The following EYA2 variants were observed in gnomAD, a reference collection of about 807,000 sequenced individuals.
EYA2 encodes protein phosphatase EYA2.
EYA2 carries 31 observed loss-of-function variants against 69.2 expected under a neutral mutation model. The observed-to-expected ratio is 0.45, with a 90% confidence interval of 0.34 to 0.60. The LOEUF (loss-of-function observed/expected upper bound fraction) is 0.60, where lower values mean the gene tolerates loss of function less well. Ranked by LOEUF, EYA2 falls within the 20% of genes least tolerant of loss-of-function variation. The pLI is 0.02. For missense variants in EYA2, 622 were observed against 701.2 expected, an observed-to-expected ratio of 0.89 and a Z score of 1.28; for synonymous variants, 257 against 279.4, an observed-to-expected ratio of 0.92 and a Z score of 0.80.
At chr20:47,146,052 G>A (rs1471972504) in intron 10 of EYA2, among the ~76,000 whole-genome samples, 3 of 152,140 alleles carry the variant, frequency 2.0e-5, no homozygotes, top group African/African-American at 7.2e-5. Context: ...AAGAGGACTT[G>A]CTGATAGACT....
intron 5 of EYA2, among the ~76,000 whole-genome samples, chr20:47,060,030 T>TA (rs1164083230): frequency 3.3e-5 from 5 of 152,378 alleles, no homozygotes; most frequent in East Asian, 3.9e-4. Context: ...AACTAACTCA[T>TA]ATTTGTTACC....
At chr20:47,100,750 C>T (rs113609790) in intron 9 of EYA2, among the ~76,000 whole-genome samples, 9 of 152,352 alleles carry the variant, frequency 5.9e-5, no homozygotes, top group African/African-American at 1.7e-4. Context: ...CTCCAGCTCT[C>T]GCTAAGGTGA....
intron 1 of EYA2, among the ~76,000 whole-genome samples, chr20:46,896,251 A>G (rs984310516): frequency 3.3e-5 from 5 of 152,148 alleles, no homozygotes; most frequent in Non-Finnish European, 7.3e-5. Context: ...ACCAGTGGAC[A>G]ATTGTATTTC....
intron 12 of EYA2, among the ~76,000 whole-genome samples, chr20:47,175,886 T>C (rs139182260): frequency 2.4e-4 from 37 of 152,272 alleles, no homozygotes; most frequent in African/African-American, 8.9e-4. Context: ...GTTGATAGAC[T>C]AATGAGAAGA....
At chr20:46,930,838 T>G (rs1230865472) in intron 1 of EYA2, among the ~76,000 whole-genome samples, 1 of 152,198 alleles carries the variant, frequency 6.6e-6, no homozygotes, top group Admixed American at 6.5e-5. Flanking sequence ...AGGAACCTTA[T>G]GGAAATATCA....
At chr20:46,925,010 C>A (rs1985353583) in intron 1 of EYA2, among the ~76,000 whole-genome samples, 3 of 152,210 alleles carry the variant, frequency 2.0e-5, no homozygotes, top group Admixed American at 2.0e-4. Flanking sequence ...TTCCTCACCT[C>A]CTCCTGGCTT....
intron 1 of EYA2, among the ~76,000 whole-genome samples, chr20:46,900,157 C>T (rs1189244518): frequency 6.6e-6 from 1 of 151,896 alleles, no homozygotes; most frequent in Non-Finnish European, 1.5e-5. Flanking sequence ...GTAATAGATA[C>T]GAACGTATCT....
chr20:47,039,394 G>T (rs1405212030), intron 5 of EYA2, among the ~76,000 whole-genome samples: 1 of 152,176 alleles, frequency 6.6e-6, no homozygotes, highest in Non-Finnish European at 1.5e-5. Context: ...CATTCATTAT[G>T]TCTATTGTCT....
Position 47,153,248 on chromosome 20 carries a change from G to C in EYA2, c.978+10100G>C, listed in dbSNP as rs1442457977. On this transcript the variant is annotated intron_variant, in intron 10 of 15. Transcript: ENST00000327619. ...TTAAATGTATGGCTTTTTCTTACTCGTGTTTTAGGGGAAAAATGACCAGTA... is the reference window on the plus strand; with the variant it reads ...TTAAATGTATGGCTTTTTCTTACTCCTGTTTTAGGGGAAAAATGACCAGTA... Among the ~76,000 whole-genome samples, 4 of 152,032 alleles carry C rather than the reference G, an allele frequency of 2.6e-5. No individual in the cohort carries two copies. The South Asian group carries it at 6.3e-4, about 24-fold the overall frequency.
At chr20:47,009,732 G>T (rs1207011478) in intron 4 of EYA2, among the ~76,000 whole-genome samples, 2 of 152,202 alleles carry the variant, frequency 1.3e-5, no homozygotes, top group Non-Finnish European at 2.9e-5. Context: ...TAGCATGAAA[G>T]CAGCCATAGA....
intron 9 of EYA2, among the ~76,000 whole-genome samples, chr20:47,122,866 G>T (rs919443156): frequency 6.6e-6 from 1 of 152,178 alleles, no homozygotes; most frequent in African/African-American, 2.4e-5. Context: ...AACCATATGG[G>T]CCACAGAGCC....
chr20:47,116,001 C>A (rs1203645000), intron 9 of EYA2, among the ~76,000 whole-genome samples: 1 of 152,172 alleles, frequency 6.6e-6, no homozygotes, highest in African/African-American at 2.4e-5. Flanking sequence ...TTAGTCTAAC[C>A]AGTGTTGCCT....
chr20:47,088,442 A>G (rs75805236), intron 7 of EYA2, among the ~76,000 whole-genome samples: 3,303 of 152,194 alleles, frequency 0.022, 124 homozygotes, highest in African/African-American at 0.075. Flanking sequence ...TTTCAGATTG[A>G]GAGAGTTGTA....
intron 5 of EYA2, among the ~76,000 whole-genome samples, chr20:47,046,390 A>C (rs2030038489): frequency 6.6e-6 from 1 of 152,238 alleles, no homozygotes. Flanking sequence ...CATTGTGGGC[A>C]GTTACCAGCC....
At chr20:47,088,862 C>T (rs2031981847) in intron 7 of EYA2, among the ~76,000 whole-genome samples, 1 of 152,188 alleles carries the variant, frequency 6.6e-6, no homozygotes, top group African/African-American at 2.4e-5. Context: ...GGCGTAAGCC[C>T]CCACGCCGGG....
chr20:46,976,521 G>A (rs1980473939), intron 1 of EYA2, among the ~76,000 whole-genome samples: 2 of 152,168 alleles, frequency 1.3e-5, no homozygotes. Context: ...GAGTAGCTGG[G>A]ACTACAGGTG....
rs1568814016 is a variant in EYA2, at chr20:47,156,107, C to CATATATACAT, written c.978+12960_978+12961insTATATACATA. 1.0e-4 allele frequency among the ~76,000 whole-genome samples: 2 copies of CATATATACAT among 19,916 alleles called. 1 individual carries two copies. Among genetic ancestry groups the CATATATACAT allele is most frequent in the African/African-American group, 5.5e-4 (2 of 3,632 alleles). 13.1% of individuals were successfully genotyped at this position (19,916 alleles called of 152,430 possible). A position where few individuals can be genotyped will look rare whatever the true frequency, so the allele number is the denominator to read the frequency against. ...ATATACATACACACACACACACACA[C>CATATATACAT]ACACACACACACACACACACATATA... On this transcript the variant is annotated intron_variant, in intron 10 of 15. Coordinates refer to ENST00000327619, the MANE Select transcript of EYA2 (RefSeq NM_005244.5).
intron 1 of EYA2, among the ~76,000 whole-genome samples, chr20:46,910,791 A>G (rs1446507767): frequency 6.6e-6 from 1 of 152,340 alleles, no homozygotes; most frequent in Middle Eastern, 3.4e-3. Context: ...CAGATCATTT[A>G]AAAAATAGAA....
At chr20:46,938,494 A>G (rs1048501267) in intron 1 of EYA2, among the ~76,000 whole-genome samples, 3 of 152,176 alleles carry the variant, frequency 2.0e-5, no homozygotes, top group Non-Finnish European at 2.9e-5. Context: ...GCTATAATCA[A>G]AGTGTGAGCT....
Sources: allele counts gnomAD v4.1 joint callset (sites outside exome capture counted in the v4.1 genomes callset), GRCh38; gene constraint gnomAD v4.1.1; transcripts MANE v1.5; gene names NCBI Gene and HGNC (gene_info 2026-07-23, HGNC 2026-07-21).